Variants in NTN1 observed in about 807,000 individuals in gnomAD.
The protein encoded by NTN1 is netrin-1.
NTN1 carries 11 observed loss-of-function variants against 54.2 expected under a neutral mutation model. The ratio of observed to expected loss-of-function variants is 0.20; its 90% confidence interval spans 0.13 to 0.34. The LOEUF is 0.34. Among genes scored for constraint, NTN1 ranks in the 10% least tolerant of loss-of-function variants. NTN1 has a pLI of 1.00. For missense variants in NTN1, 740 were observed against 893.1 expected (o/e 0.83, Z 2.18); for synonymous variants, 371 against 382.0 (o/e 0.97, Z 0.33).
At chr17:9,198,106 A>G (rs1567736095) in intron 5 of NTN1, among the ~76,000 whole-genome samples, 1 of 152,214 alleles carries the variant, frequency 6.6e-6, no homozygotes, top group South Asian at 2.1e-4. Flanking sequence ...CGAGACAGGG[A>G]TTCTTGTGTG....
chr17:9,025,971 G>T (rs1465314333), intron 2 of NTN1, among the ~76,000 whole-genome samples: 4 of 152,190 alleles, frequency 2.6e-5, no homozygotes, highest in Non-Finnish European at 1.5e-5. Context: ...ATAAAGTCAA[G>T]CTACCCAGAG....
At chr17:9,182,794 C>T (rs775807989) in intron 4 of NTN1, 122 bp from the exon 5 acceptor site, 34 of 979,480 alleles carry the variant, frequency 3.5e-5, no homozygotes, top group Middle Eastern at 4.2e-4. Context: ...GAGTGGGAAA[C>T]GGAGGGGAGG....
At chr17:9,188,227 G>A (rs1418867985) in intron 5 of NTN1, among the ~76,000 whole-genome samples, 1 of 152,114 alleles carries the variant, frequency 6.6e-6, no homozygotes, top group Non-Finnish European at 1.5e-5. Flanking sequence ...TCAGGAATTC[G>A]AGACCAGCCT....
chr17:9,067,960 C>A (rs2092020666), intron 2 of NTN1, among the ~76,000 whole-genome samples: 1 of 152,158 alleles, frequency 6.6e-6, no homozygotes, highest in Non-Finnish European at 1.5e-5. Context: ...CTGGTGTGCG[C>A]CTGTAAACCC....
chr17:9,162,388 G>A (rs936398391), intron 2 of NTN1, among the ~76,000 whole-genome samples: 1 of 152,222 alleles, frequency 6.6e-6, no homozygotes, highest in African/African-American at 2.4e-5. Flanking sequence ...TGCGTGGCTT[G>A]CAGATGGCCG....
chr17:9,070,700 T>A (rs1053245817), intron 2 of NTN1, among the ~76,000 whole-genome samples: 2 of 152,186 alleles, frequency 1.3e-5, no homozygotes, highest in Non-Finnish European at 2.9e-5. Context: ...CAAATGATTC[T>A]CCTGCCTCAG....
chr17:9,066,980 G>A (rs571524615), intron 2 of NTN1, among the ~76,000 whole-genome samples: 2 of 138,450 alleles, frequency 1.4e-5, no homozygotes, highest in South Asian at 2.3e-4. Context: ...CAGCCTGGGC[G>A]ACAGAGTGAC....
At chr17:9,089,299 C>T (rs894589871) in intron 2 of NTN1, among the ~76,000 whole-genome samples, 2 of 151,974 alleles carry the variant, frequency 1.3e-5, no homozygotes, top group African/African-American at 2.4e-5. Flanking sequence ...CTTGTAGTCC[C>T]AGCTACTCGG....
intron 2 of NTN1, among the ~76,000 whole-genome samples, chr17:9,153,750 A>G (rs1460564428): frequency 6.6e-6 from 1 of 152,170 alleles, no homozygotes; most frequent in Non-Finnish European, 1.5e-5. Flanking sequence ...AGTCAGGTAG[A>G]AGCGGGTCCT....
intron 2 of NTN1, among the ~76,000 whole-genome samples, chr17:9,063,318 G>A (rs565003308): frequency 1.3e-5 from 2 of 152,088 alleles, no homozygotes; most frequent in South Asian, 2.1e-4. Context: ...GGCTGGTCTC[G>A]AACTCCTGGC....
At chr17:9,044,791 G>T (rs1346669498) in intron 2 of NTN1, among the ~76,000 whole-genome samples, 1 of 152,126 alleles carries the variant, frequency 6.6e-6, no homozygotes, top group East Asian at 1.9e-4. Flanking sequence ...ATCTTCCACA[G>T]ATTAAGTGAC....
At chr17:9,208,390 C>T (rs1426078514) in intron 5 of NTN1, among the ~76,000 whole-genome samples, 1 of 152,106 alleles carries the variant, frequency 6.6e-6, no homozygotes, top group Non-Finnish European at 1.5e-5. Context: ...CAGAGACAGC[C>T]GCAGTCAGCT....
intron 6 of NTN1, among the ~76,000 whole-genome samples, chr17:9,234,964 G>GT (rs10650921): frequency 0.04 from 5,194 of 129,958 alleles, 303 homozygotes; most frequent in African/African-American, 0.11. Flanking sequence ...TTGTTTTTTG[G>GT]TTTTTTTTTT....
intron 5 of NTN1, among the ~76,000 whole-genome samples, chr17:9,213,178 T>G (rs1905148786): frequency 1.3e-5 from 2 of 152,196 alleles, no homozygotes. Flanking sequence ...AGGATGGGCC[T>G]GCTGCGAGCC....
At chr17:9,186,521 C>T (rs913500363) in intron 5 of NTN1, among the ~76,000 whole-genome samples, 1 of 152,220 alleles carries the variant, frequency 6.6e-6, no homozygotes, top group Non-Finnish European at 1.5e-5. Context: ...TCACGAGGCA[C>T]TCACCCCATC....
intron 2 of NTN1, among the ~76,000 whole-genome samples, chr17:9,100,716 T>G (rs944351100): frequency 6.6e-6 from 1 of 152,374 alleles, no homozygotes; most frequent in South Asian, 2.1e-4. Context: ...TGTCTACCTT[T>G]TAATGCAAAT....
At chr17:9,218,893 G>A (rs191158233) in intron 5 of NTN1, among the ~76,000 whole-genome samples, 1 of 150,016 alleles carries the variant, frequency 6.7e-6, no homozygotes, top group Non-Finnish European at 1.5e-5. Context: ...TGAAAGTGCT[G>A]GTGTGGGATG....
intron 2 of NTN1, among the ~76,000 whole-genome samples, chr17:9,058,109 A>T (rs1220990256): frequency 2.0e-5 from 3 of 152,150 alleles, no homozygotes; most frequent in Non-Finnish European, 1.5e-5. Context: ...GGCTGATCAG[A>T]AACTCCTGAG....
rs1906316668 is a variant in NTN1, at chr17:9,243,857, AGTTGTGG to A, written c.*3890_*3896del. ...TGAATATATTTAATGACATGGAAAA[AGTTGTGG>A]ATTTTCTTTCTTTCCTTTTTTTTGG... On this transcript the variant is annotated 3_prime_UTR_variant, in exon 7 of 7. Transcript: ENST00000173229. The A allele has an allele frequency of 8.8e-6, 1 of 114,180 alleles. No individual in the cohort carries two copies. Among genetic ancestry groups the A allele is most frequent in the Non-Finnish European group, 1.7e-5 (1 of 59,914 alleles). 7.1% of individuals were successfully genotyped at this position (114,180 alleles called of 1,614,324 possible).
Sources: gnomAD v4.1 joint callset for allele counts (sites outside exome capture counted in the v4.1 genomes callset) on GRCh38, gnomAD v4.1.1 for gene constraint, MANE v1.5 for transcripts, NCBI Gene and HGNC (gene_info 2026-07-23, HGNC 2026-07-21) for gene names.